Variants in FBXO16 observed in about 807,000 individuals in gnomAD.
The protein encoded by FBXO16 is F-box only protein 16.
A neutral mutation model predicts 41.0 loss-of-function variants in FBXO16; 31 were observed. That is an observed-to-expected ratio of 0.76 (90% CI 0.57 to 1.02). FBXO16 has a LOEUF of 1.02. Ranked by LOEUF, FBXO16 falls within the 50% of genes least tolerant of loss-of-function variation. The probability of loss-of-function intolerance (pLI) is 0.00; values close to 1 mark genes in which losing one functional copy is unlikely to be tolerated. For synonymous variants in FBXO16, 133 were observed against 117.8 expected (o/e 1.13, Z -0.84); for missense variants, 361 against 346.2 (o/e 1.04, Z -0.34).
intron 3 of FBXO16, among the ~76,000 whole-genome samples, chr8:28,470,807 T>C (rs73557224): frequency 0.054 from 8,179 of 152,298 alleles, 272 homozygotes; most frequent in Non-Finnish European, 0.073. Flanking sequence ...TATTGACTTG[T>C]AGGAACTCTT....
intron 3 of FBXO16, among the ~76,000 whole-genome samples, chr8:28,467,377 T>C (rs142846260): frequency 1.2e-3 from 181 of 152,272 alleles, no homozygotes; most frequent in Non-Finnish European, 2.1e-3. Context: ...ATTAGTTCTT[T>C]TACTCATCAG....
chr8:28,478,821 C>CAAAAAAAAAAAAAAAAAAAA (rs35959759), intron 2 of FBXO16, among the ~76,000 whole-genome samples: 1 of 117,794 alleles, frequency 8.5e-6, no homozygotes, highest in African/African-American at 3.2e-5. Context: ...ATTCTGTCTC[C>CAAAAAAAAAAAAAAAAAAAA]AAAAAAAAAA....
intron 2 of FBXO16, among the ~76,000 whole-genome samples, chr8:28,476,957 T>A (rs947568439): frequency 7.2e-5 from 11 of 152,228 alleles, no homozygotes; most frequent in African/African-American, 2.7e-4. Flanking sequence ...CTTCCATAGT[T>A]ACCTTTCTAT....
intron 4 of FBXO16, among the ~76,000 whole-genome samples, chr8:28,463,261 C>T (rs532896625): frequency 9.8e-5 from 14 of 142,594 alleles, no homozygotes; most frequent in African/African-American, 2.4e-4. Flanking sequence ...TGTGTTTGTG[C>T]GTGTATTTGT....
At chr8:28,464,683 T>C (rs911270518) in intron 3 of FBXO16, among the ~76,000 whole-genome samples, 6 of 152,326 alleles carry the variant, frequency 3.9e-5, no homozygotes, top group Non-Finnish European at 5.9e-5. Flanking sequence ...AGACGGAGTC[T>C]CACTCTGTTG....
At chr8:28,466,549 T>C (rs1440678709) in intron 3 of FBXO16, among the ~76,000 whole-genome samples, 2 of 151,510 alleles carry the variant, frequency 1.3e-5, no homozygotes, top group Non-Finnish European at 2.9e-5. Context: ...CCCAGCACTT[T>C]GGGAGGCCGA....
chr8:28,465,107 T>C (rs1306044078), intron 3 of FBXO16: 1 of 151,238 alleles, frequency 6.6e-6, no homozygotes, highest in Non-Finnish European at 1.4e-5. Flanking sequence ...TAAATTTATT[T>C]GATTTTTTTT....
chr8:28,439,104 AAAAAAG>A (rs996425291), intron 7 of FBXO16, among the ~76,000 whole-genome samples: 4 of 151,812 alleles, frequency 2.6e-5, no homozygotes, highest in African/African-American at 9.7e-5. Flanking sequence ...CAAAAAAAAA[AAAAAAG>A]AAAAGAAAAG....
chr8:28,447,948 C>T (rs757156159), intron 6 of FBXO16, among the ~76,000 whole-genome samples: 3 of 150,174 alleles, frequency 2.0e-5, no homozygotes, highest in Non-Finnish European at 3.0e-5. Flanking sequence ...AGTGAGACTC[C>T]GTCTCAAAAA....
intron 1 of FBXO16, among the ~76,000 whole-genome samples, chr8:28,484,446 A>G (rs1367456129): frequency 6.6e-6 from 1 of 152,228 alleles, no homozygotes; most frequent in Non-Finnish European, 1.5e-5. Context: ...AATTTTCAGG[A>G]GGAATTAATT....
chr8:28,474,962 G>C (rs1803401717), intron 2 of FBXO16, among the ~76,000 whole-genome samples: 1 of 152,200 alleles, frequency 6.6e-6, no homozygotes, highest in East Asian at 1.9e-4. Flanking sequence ...GACTAACGTG[G>C]GGACACGTGG....
At chr8:28,464,151 C>G (rs1803194195) in intron 3 of FBXO16, among the ~76,000 whole-genome samples, 2 of 152,312 alleles carry the variant, frequency 1.3e-5, no homozygotes, top group South Asian at 4.1e-4. Context: ...AACTGTGCAG[C>G]TCCTCCCCCC....
intron 4 of FBXO16, among the ~76,000 whole-genome samples, chr8:28,461,446 G>A (rs1803132761): frequency 1.3e-5 from 2 of 152,074 alleles, no homozygotes; most frequent in Non-Finnish European, 2.9e-5. Flanking sequence ...AAGAAAGATG[G>A]CATGCCATAA....
chr8:28,463,544 T>C (rs1803180096), intron 4 of FBXO16, 68 bp downstream of exon 4: 10 of 1,518,548 alleles, frequency 6.6e-6, no homozygotes, highest in Non-Finnish European at 9.0e-6. Flanking sequence ...CCTTAACTTC[T>C]AGTTTCAAGT....
chr8:28,483,695 T>C (rs112807974), intron 1 of FBXO16, among the ~76,000 whole-genome samples: 3 of 115,058 alleles, frequency 2.6e-5, no homozygotes, highest in Middle Eastern at 4.0e-3. Context: ...AACAAACAAA[T>C]AAAAAATAGC....
chr8:28,447,374 T>A, intron 6 of FBXO16, 101 bp from the exon 7 acceptor site: 1 of 1,017,738 alleles, frequency 9.8e-7, no homozygotes, highest in Non-Finnish European at 1.5e-6. Context: ...TCCTGTGATT[T>A]AAAAGATTGT....
intron 4 of FBXO16, among the ~76,000 whole-genome samples, chr8:28,458,287 G>C (rs889836963): frequency 2.0e-5 from 3 of 152,206 alleles, no homozygotes; most frequent in African/African-American, 7.2e-5. Flanking sequence ...GTTGAGGAAA[G>C]AGTAGGGCAC....
At chr8:28,484,007 C>T (rs567643275) in intron 1 of FBXO16, among the ~76,000 whole-genome samples, 46 of 152,202 alleles carry the variant, frequency 3.0e-4, no homozygotes, top group Admixed American at 2.2e-3. Flanking sequence ...ATTTTACACA[C>T]GAGGAAGATT....
In FBXO16 at chr8:28,473,790, T is replaced by A. The variant is rs1487913295; in HGVS notation, c.117A>T (p.Arg39Ser). 1 of 1,604,392 alleles carries A rather than the reference T, an allele frequency of 6.2e-7. No homozygotes were observed. The highest frequency in any genetic ancestry group is 1.1e-5 in the South Asian group (1 of 89,722). The change falls in exon 3 of 9, where the codon AGA becomes AGT. Residue 39 changes from arginine (R) to serine (S), a missense_variant. Physicochemically the swap from Arg to Ser is moderately radical, Grantham distance 110. Transcript: ENST00000380254. Reference sequence around the variant, plus strand: ...TGTTTACCCATTTGCCAAGCAGGGCTCTTCTTTCTTCAAATACCTACAGTA... The same window carrying A: ...TGTTTACCCATTTGCCAAGCAGGGCACTTCTTTCTTCAAATACCTACAGTA... ...LLNDRVFEER[R>S]ALLGKWFDKW...
Sources: gnomAD v4.1 joint callset for allele counts (sites outside exome capture counted in the v4.1 genomes callset) on GRCh38, gnomAD v4.1.1 for gene constraint, MANE v1.5 for transcripts, NCBI Gene and HGNC (gene_info 2026-07-23, HGNC 2026-07-21) for gene names.